The following DNM3 variants were observed in gnomAD, a reference collection of about 807,000 sequenced individuals.
DNM3 encodes the protein dynamin-3.
DNM3 carries 47 observed loss-of-function variants against 101.6 expected under a neutral mutation model. The ratio of observed to expected loss-of-function variants is 0.46; its 90% CI spans 0.37 to 0.59. DNM3 has a LOEUF of 0.59. DNM3 is among the 20% of genes least tolerant of loss of function. DNM3 has a pLI of 0.00. For missense variants in DNM3, 849 were observed against 1,085.7 expected, an observed-to-expected ratio of 0.78 and a Z score of 3.06; for synonymous variants, 385 against 387.9, an observed-to-expected ratio of 0.99 and a Z score of 0.09.
chr1:171,885,124 G>A (rs957307638), intron 1 of DNM3, among the ~76,000 whole-genome samples: 4 of 152,084 alleles, frequency 2.6e-5, no homozygotes, highest in African/African-American at 9.7e-5. Flanking sequence ...GAGGGCATTA[G>A]GCAATGTTCT....
At chr1:171,880,832 C>T (rs529158746) in intron 1 of DNM3, among the ~76,000 whole-genome samples, 1 of 151,718 alleles carries the variant, frequency 6.6e-6, no homozygotes, top group South Asian at 2.1e-4. Flanking sequence ...GAAAATGATT[C>T]CAAAAAGTTC....
chr1:172,127,923 G>A lies in DNM3; in HGVS notation c.1546-3252G>A, dbSNP rs74126005. Among the ~76,000 whole-genome samples the A allele has an allele frequency of 3.0e-3, 462 of 151,888 alleles. 2 individuals are homozygous for A. Among genetic ancestry groups the A allele is most frequent in the African/African-American group, 0.01 (415 of 41,394 alleles). ...ATTTTTTGTTTCCCATTCACTTTTC[G>A]ACCCAAAGAACTCTGACTCCTTGTC... On this transcript the variant is annotated intron_variant, in intron 13 of 20. Coordinates refer to ENST00000627582, the MANE Select transcript of DNM3 (RefSeq NM_015569.5).
rs566301333 is a variant in DNM3 at position 171,863,796 on chromosome 1, G to T, written c.161+21979G>T. Reference sequence around the variant, plus strand: ...AGGCTCTTCGGTTTCCATATTGCCAGGATAACTCTACTTACAAGAACTAGT... The same window carrying T: ...AGGCTCTTCGGTTTCCATATTGCCATGATAACTCTACTTACAAGAACTAGT... On this transcript the variant is annotated intron_variant, in intron 1 of 20. Coordinates refer to ENST00000627582, the MANE Select transcript of DNM3 (RefSeq NM_015569.5). Among the ~76,000 whole-genome samples, 11 of 152,226 alleles carry T rather than the reference G, an allele frequency of 7.2e-5. No homozygotes were observed. The South Asian group carries it at 1.0e-3, about 14-fold the overall frequency.
At chr1:171,851,119 C>T (rs1159805664) in intron 1 of DNM3, among the ~76,000 whole-genome samples, 4 of 152,282 alleles carry the variant, frequency 2.6e-5, no homozygotes, top group African/African-American at 9.6e-5. Context: ...CTGGTCTTCT[C>T]AGCTCTATCT....
At chr1:172,265,185 T>A (rs1009874454) in intron 15 of DNM3, among the ~76,000 whole-genome samples, 3 of 152,078 alleles carry the variant, frequency 2.0e-5, no homozygotes, top group African/African-American at 7.2e-5. Context: ...CTATATAAAC[T>A]TTAAAAGAGT....
At chr1:172,054,891 G>A (rs370778573) in intron 10 of DNM3, among the ~76,000 whole-genome samples, 8 of 152,148 alleles carry the variant, frequency 5.3e-5, no homozygotes, top group African/African-American at 1.2e-4. Context: ...CCTGGGAAGC[G>A]GCGGTTGCAG....
intron 15 of DNM3, among the ~76,000 whole-genome samples, chr1:172,257,992 G>T (rs2062483579): frequency 6.6e-6 from 1 of 151,770 alleles, no homozygotes; most frequent in South Asian, 2.1e-4. Flanking sequence ...ACCTCCGTGA[G>T]ATAAACTTTT....
At chr1:172,068,498 G>A (rs1047425570) in intron 10 of DNM3, among the ~76,000 whole-genome samples, 7 of 152,050 alleles carry the variant, frequency 4.6e-5, no homozygotes, top group African/African-American at 9.7e-5. Context: ...CCTGTTTTCC[G>A]ACTTCTTCAT....
intron 4 of DNM3, among the ~76,000 whole-genome samples, chr1:172,027,585 AACACACACAC>A (rs61620821): frequency 3.3e-4 from 46 of 141,406 alleles, no homozygotes; most frequent in Middle Eastern, 3.4e-3. Flanking sequence ...TGTCTCAAGA[AACACACACAC>A]ACACACACAC....
intron 17 of DNM3, among the ~76,000 whole-genome samples, chr1:172,328,341 T>C (rs1397940362): frequency 6.6e-6 from 1 of 152,136 alleles, no homozygotes; most frequent in Non-Finnish European, 1.5e-5. Flanking sequence ...ATGGAACTGG[T>C]TTAACACTGC....
intron 6 of DNM3, among the ~76,000 whole-genome samples, chr1:172,036,884 G>T (rs1048844213): frequency 6.6e-6 from 1 of 151,526 alleles, no homozygotes; most frequent in East Asian, 1.9e-4. Flanking sequence ...GAAAATTTTC[G>T]CAACCTACTC....
At chr1:172,407,370 G>T (rs1029313799) in intron 20 of DNM3, among the ~76,000 whole-genome samples, 5 of 151,968 alleles carry the variant, frequency 3.3e-5, no homozygotes, top group Admixed American at 2.0e-4. Flanking sequence ...GAAAGAAAAA[G>T]GAAAATTATA....
intron 2 of DNM3, among the ~76,000 whole-genome samples, chr1:171,929,344 G>A (rs993944337): frequency 6.6e-6 from 1 of 152,002 alleles, no homozygotes; most frequent in African/African-American, 2.4e-5. Context: ...ACAGGATTGC[G>A]GACACATTTT....
intron 12 of DNM3, 38 bp downstream of exon 12, chr1:172,081,940 G>A: frequency 1.3e-6 from 2 of 1,590,494 alleles, no homozygotes; most frequent in South Asian, 1.1e-5. Flanking sequence ...CATTCCTCCT[G>A]TTGATTTGTC....
chr1:172,405,358 G>A (rs868098917), intron 20 of DNM3, among the ~76,000 whole-genome samples: 3 of 151,948 alleles, frequency 2.0e-5, no homozygotes, highest in South Asian at 2.1e-4. Flanking sequence ...ATCACAAGTA[G>A]GGTTACGTGC....
chr1:172,027,703 A>G (rs1194294633), intron 4 of DNM3, among the ~76,000 whole-genome samples: 1 of 152,188 alleles, frequency 6.6e-6, no homozygotes, highest in East Asian at 1.9e-4. Context: ...ACACACATAG[A>G]CTCAAAATAA....
At chr1:172,251,201 A>C (rs1238679375) in intron 14 of DNM3, among the ~76,000 whole-genome samples, 6 of 152,108 alleles carry the variant, frequency 3.9e-5, no homozygotes, top group Admixed American at 3.9e-4. Context: ...CTTCTTGATT[A>C]AGATGATGCT....
At chr1:171,969,688 G>A (rs1417154867) in intron 2 of DNM3, among the ~76,000 whole-genome samples, 4 of 152,174 alleles carry the variant, frequency 2.6e-5, no homozygotes, top group African/African-American at 9.7e-5. Flanking sequence ...TAAAGAAACA[G>A]ATAGGCAAGT....
intron 14 of DNM3, among the ~76,000 whole-genome samples, chr1:172,233,422 C>T (rs1221140706): frequency 1.3e-5 from 2 of 152,086 alleles, no homozygotes; most frequent in East Asian, 3.9e-4. Flanking sequence ...AAAAAAAGTC[C>T]AGGACCAGAC....
Sources: gnomAD v4.1 joint callset for allele counts (sites outside exome capture counted in the v4.1 genomes callset) on GRCh38, gnomAD v4.1.1 for gene constraint, MANE v1.5 for transcripts, NCBI Gene and HGNC (gene_info 2026-07-23, HGNC 2026-07-21) for gene names.